The following MICAL3 variants were observed in gnomAD, a reference collection of about 807,000 sequenced individuals.
MICAL3 encodes [F-actin]-monooxygenase MICAL3.
In MICAL3, 62 loss-of-function variants were observed where a neutral mutation model predicts 207.4. The ratio of observed to expected loss-of-function variants is 0.30; its 90% CI spans 0.24 to 0.37. The LOEUF (loss-of-function observed/expected upper bound fraction) is 0.37. Ranked by LOEUF, MICAL3 falls within the 10% of genes least tolerant of loss-of-function variation. MICAL3 has a pLI of 1.00. For synonymous variants in MICAL3, 1,077 were observed against 1,069.3 expected, an observed-to-expected ratio of 1.01 and a Z score of -0.14; for missense variants, 2,368 against 2,635.6, an observed-to-expected ratio of 0.90 and a Z score of 2.22.
intron 1 of MICAL3, among the ~76,000 whole-genome samples, chr22:17,971,242 C>A (rs1353824463): frequency 6.6e-6 from 1 of 151,968 alleles, no homozygotes; most frequent in Non-Finnish European, 1.5e-5. Context: ...CTGAGGCAGG[C>A]AGATCACTTG....
At chr22:17,828,288 G>A (rs1045623924) in intron 21 of MICAL3, among the ~76,000 whole-genome samples, 1 of 152,264 alleles carries the variant, frequency 6.6e-6, no homozygotes, top group Non-Finnish European at 1.5e-5. Context: ...GCCAGGTGAC[G>A]AGAGAGGTGG....
chr22:17,835,878 T>C (rs1923307404), intron 20 of MICAL3, among the ~76,000 whole-genome samples: 1 of 152,190 alleles, frequency 6.6e-6, no homozygotes, highest in South Asian at 2.1e-4. Flanking sequence ...CAGGGCCAAG[T>C]GTGGCCAGGA....
At chr22:17,963,074 A>G (rs892285547) in intron 1 of MICAL3, among the ~76,000 whole-genome samples, 5 of 151,972 alleles carry the variant, frequency 3.3e-5, no homozygotes, top group African/African-American at 9.7e-5. Flanking sequence ...TTCTATTCCA[A>G]TCAATAATTT....
At chr22:17,906,440 C>A (rs1931724348) in intron 2 of MICAL3, 109 bp downstream of exon 2, 1 of 1,599,684 alleles carries the variant, frequency 6.3e-7, no homozygotes, top group African/African-American at 1.3e-5. Context: ...AACTTCTTGG[C>A]ACCCAGACCT....
intron 20 of MICAL3, chr22:17,839,574 T>C (rs988343453): frequency 4.6e-5 from 7 of 151,098 alleles, no homozygotes; most frequent in African/African-American, 1.7e-4. Context: ...TCCCTTTTTT[T>C]TTTTTTTTTA....
rs750859976 is a variant in MICAL3 at position 17,864,904 on chromosome 22, G to T, written c.2600C>A (p.Thr867Asn). The part of the protein sequence containing the change: ...ANAVASSTER[T>N]PGSGVNGLEE... Reference sequence around the variant, plus strand: ...AAACAAGGAAGTGAGGCTACCTGGGGTTCTCTCAGTGGAGCTGGCCACGGC... The same window carrying T: ...AAACAAGGAAGTGAGGCTACCTGGGTTTCTCTCAGTGGAGCTGGCCACGGC... The change falls in exon 19 of 32, where the codon ACC becomes AAC. Residue 867 changes from threonine to asparagine, a missense_variant. Around this residue, in one of 4 missense-constraint regions of MICAL3, gnomAD observed 1,770 missense variants for 1,863.2 expected, o/e 0.95. Transcript: ENST00000441493. 18 of 1,613,732 alleles carry T rather than the reference G, an allele frequency of 1.1e-5. No individual in the cohort carries two copies. Among genetic ancestry groups the T allele is most frequent in the Non-Finnish European group, 1.5e-5 (18 of 1,179,882 alleles).
chr22:17,841,361 A>G lies in MICAL3; in HGVS notation c.2801+461T>C, dbSNP rs1033370221. On this transcript the variant is annotated intron_variant, in intron 20 of 31. Coordinates refer to ENST00000441493, the MANE Select transcript of MICAL3 (RefSeq NM_015241.3). This position sits in a 1 kb window ranked among gnomAD's most constrained non-coding sequence, Gnocchi z 4.2. ...CTAAGCATGCATCCACTGGTGCTGC[A>G]TGCGGCCCCTGGGGCACACATTTTC... The G allele has an allele frequency of 4.2e-6, 1 of 238,560 alleles. No homozygotes were observed. The highest frequency in any genetic ancestry group is 2.2e-5 in the African/African-American group (1 of 45,622). The allele number at this position is 238,560 out of a possible 1,614,324, so 14.8% of individuals were successfully genotyped here.
chr22:17,819,491 G>A (rs376457547), intron 25 of MICAL3, among the ~76,000 whole-genome samples: 10 of 152,256 alleles, frequency 6.6e-5, no homozygotes, highest in Non-Finnish European at 1.0e-4. Context: ...CCTGACGTAC[G>A]TACAGAGGGG....
intron 1 of MICAL3, among the ~76,000 whole-genome samples, chr22:17,967,648 C>G (rs913374992): frequency 6.6e-6 from 1 of 152,204 alleles, no homozygotes; most frequent in Non-Finnish European, 1.5e-5. Context: ...TGGCTCACGC[C>G]TGTAATCCCA....
intron 29 of MICAL3, among the ~76,000 whole-genome samples, chr22:17,808,478 T>A (rs900966000): frequency 6.6e-6 from 1 of 152,166 alleles, no homozygotes; most frequent in East Asian, 1.9e-4. Flanking sequence ...ACCTGCTCAG[T>A]GCAATTCTGT....
At chr22:17,968,694 G>T (rs545435072) in intron 1 of MICAL3, among the ~76,000 whole-genome samples, 1 of 152,052 alleles carries the variant, frequency 6.6e-6, no homozygotes, top group East Asian at 1.9e-4. Flanking sequence ...AAGAAAGGCC[G>T]GTTCCACACT....
At chr22:17,967,367 T>G (rs531995409) in intron 1 of MICAL3, among the ~76,000 whole-genome samples, 29 of 151,928 alleles carry the variant, frequency 1.9e-4, no homozygotes, top group Admixed American at 4.6e-4. Context: ...CAAAAAAAAG[T>G]AGAACACATA....
Position 17,982,737 on chromosome 22 carries a change from T to TA in MICAL3, c.-75+41543dup, listed in dbSNP as rs1569156824. ...TAACAAACATAACATAACATAAAAA[T>TA]AAAATAAAATAAAATAAAAAAGTAA... On this transcript the variant is annotated intron_variant, in intron 1 of 31. Transcript: ENST00000441493. 1.8e-4 allele frequency among the ~76,000 whole-genome samples: 19 copies of TA among 103,580 alleles called. No individual in the cohort carries two copies. In the East Asian group the frequency reaches 3.7e-3, roughly 20 times the overall value. The allele number at this position is 103,580 out of a possible 152,430, so 68.0% of individuals were successfully genotyped here.
intron 19 of MICAL3, chr22:17,860,647 G>A (rs1275957011): frequency 1.0e-6 from 1 of 985,500 alleles, no homozygotes; most frequent in East Asian, 1.1e-4. Flanking sequence ...ACTCAGTGGA[G>A]CCAGACAGGA....
At chr22:18,018,014 T>C (rs1444672260) in intron 1 of MICAL3, among the ~76,000 whole-genome samples, 1 of 151,920 alleles carries the variant, frequency 6.6e-6, no homozygotes, top group African/African-American at 2.4e-5. Flanking sequence ...CCTCCCACAG[T>C]GCTGGGATTA....
At position 17,841,482 on chromosome 22, in the gene MICAL3, A is replaced by G; in HGVS notation, c.2801+340T>C. On this transcript the variant is annotated intron_variant, in intron 20 of 31. Coordinates refer to ENST00000441493, the MANE Select transcript of MICAL3 (RefSeq NM_015241.3). This position sits in a 1 kb window ranked among gnomAD's most constrained non-coding sequence, Gnocchi z 4.2. ...CGGTGCACTGGTGGCTGAATCACCC[A>G]GAGTCCCTCCCCGTGTGCCCGTCCT... 1 of 488,240 alleles carries G rather than the reference A, an allele frequency of 2.0e-6. No individual in the cohort carries two copies. The highest frequency in any genetic ancestry group is 3.7e-6 in the Non-Finnish European group (1 of 273,344). 30.2% of individuals were successfully genotyped at this position (488,240 alleles called of 1,614,324 possible). A position where few individuals can be genotyped will look rare whatever the true frequency, so the allele number is the denominator to read the frequency against.
rs908675130 is a variant in MICAL3, at chr22:17,863,136, T to G, written c.2605+1763A>C. Reference sequence around the variant, plus strand: ...CCTAAAAACCTGAAACCCATTATACTTTCAATTAGATGGCAAGAATGGCAA... The same window carrying G: ...CCTAAAAACCTGAAACCCATTATACGTTCAATTAGATGGCAAGAATGGCAA... On this transcript the variant is annotated intron_variant, in intron 19 of 31. Coordinates refer to ENST00000441493, the MANE Select transcript of MICAL3 (RefSeq NM_015241.3). 2.1e-5 allele frequency: 21 copies of G among 985,350 alleles called. No homozygotes were observed. In the African/African-American group the frequency reaches 3.7e-4, roughly 17 times the overall value. 61.0% of individuals were successfully genotyped at this position (985,350 alleles called of 1,614,324 possible). A position where few individuals can be genotyped will look rare whatever the true frequency, so the allele number is the denominator to read the frequency against.
chr22:17,951,343 A>G (rs1462094873), intron 1 of MICAL3, among the ~76,000 whole-genome samples: 1 of 152,074 alleles, frequency 6.6e-6, no homozygotes, highest in Non-Finnish European at 1.5e-5. Flanking sequence ...ACAAAATGCA[A>G]ACTATGACCC....
intron 1 of MICAL3, among the ~76,000 whole-genome samples, chr22:17,941,164 A>G (rs559015278): frequency 4.9e-4 from 74 of 152,286 alleles, no homozygotes; most frequent in African/African-American, 1.6e-3. Context: ...TTCGTCTCAT[A>G]ACAAGTCTTC....
Sources: gnomAD v4.1 joint callset for allele counts (sites outside exome capture counted in the v4.1 genomes callset) on GRCh38, gnomAD v4.1.1 for gene constraint, gnomAD v4.1.1 regional missense constraint, Gnocchi (gnomAD v3.1) non-coding constraint, MANE v1.5 for transcripts, NCBI Gene and HGNC (gene_info 2026-07-23, HGNC 2026-07-21) for gene names.